Variants in PCSK6 observed in about 807,000 individuals in gnomAD.
PCSK6 encodes the protein proprotein convertase subtilisin/kexin type 6, also known as paired basic amino acid cleaving enzyme 4.
In PCSK6, 85 loss-of-function variants were observed where a neutral mutation model predicts 123.3. The ratio of observed to expected loss-of-function variants is 0.69; its 90% CI spans 0.58 to 0.83. The LOEUF (loss-of-function observed/expected upper bound fraction) is 0.83, where lower values mean the gene tolerates loss of function less well. PCSK6 is among the 40% of genes least tolerant of loss of function. The pLI, the probability that PCSK6 is intolerant of heterozygous loss-of-function variation, is 0.00. For synonymous variants in PCSK6, 508 were observed against 516.0 expected (o/e 0.98, Z 0.21); for missense variants, 1,191 against 1,282.3 (o/e 0.93, Z 1.09).
chr15:101,419,651 T>C (rs540937396), intron 6 of PCSK6, among the ~76,000 whole-genome samples: 1 of 151,644 alleles, frequency 6.6e-6, no homozygotes, highest in South Asian at 2.1e-4. Flanking sequence ...AAATTTGCCC[T>C]ATCAGTTACC....
intron 1 of PCSK6, among the ~76,000 whole-genome samples, chr15:101,446,799 G>C (rs912666337): frequency 6.6e-6 from 1 of 152,232 alleles, no homozygotes; most frequent in African/African-American, 2.4e-5. Flanking sequence ...TCAAACACAG[G>C]TGCGGCTGCA....
chr15:101,307,920 A>T, intron 20 of PCSK6: 1 of 153,278 alleles, frequency 6.5e-6, no homozygotes. Flanking sequence ...TTTCTAATGC[A>T]GGGTAAACGT....
intron 2 of PCSK6, among the ~76,000 whole-genome samples, chr15:101,435,829 C>G (rs2056582994): frequency 1.3e-5 from 2 of 152,148 alleles, no homozygotes; most frequent in South Asian, 4.1e-4. Context: ...CAAGCAGAGA[C>G]CCAGGAGGGG....
chr15:101,347,281 T>A, intron 13 of PCSK6: 5 of 1,232,332 alleles, frequency 4.1e-6, no homozygotes, highest in Non-Finnish European at 5.1e-6. Flanking sequence ...AAATGAAGAT[T>A]AGCTCAAAAG....
At chr15:101,470,256 T>C (rs1416253716) in intron 1 of PCSK6, among the ~76,000 whole-genome samples, 1 of 152,242 alleles carries the variant, frequency 6.6e-6, no homozygotes, top group Admixed American at 6.5e-5. Flanking sequence ...ATTAGTTTTA[T>C]TTCCTTTTAC....
intron 13 of PCSK6, among the ~76,000 whole-genome samples, chr15:101,352,589 A>T (rs865824529): frequency 7.9e-5 from 12 of 152,328 alleles, no homozygotes; most frequent in African/African-American, 2.9e-4. Flanking sequence ...TATCCTTAGC[A>T]TATCTCTGTG....
intron 11 of PCSK6, among the ~76,000 whole-genome samples, chr15:101,374,498 C>A (rs570794102): frequency 2.0e-5 from 3 of 152,222 alleles, no homozygotes; most frequent in South Asian, 4.2e-4. Context: ...CTGGACCAAC[C>A]TGGATCCTTG....
intron 10 of PCSK6, 165 bp downstream of exon 10, chr15:101,384,157 C>T (rs762711086): frequency 5.4e-5 from 77 of 1,421,846 alleles, no homozygotes; most frequent in Middle Eastern, 4.3e-4. Context: ...TGTGAGCTTC[C>T]GGGATACTTT....
Position 101,398,904 on chromosome 15 carries a change from T to TTA in PCSK6, c.824-329_824-328insTA, listed in dbSNP as rs1164640100. ...AGACCTATTATTATTATTATTATTATTTATTATTATTATTTTGAGACAGAG... is the reference window on the plus strand; with the variant it reads ...AGACCTATTATTATTATTATTATTATTATTATTATTATTATTTTGAGACAGAG... On this transcript the variant is annotated intron_variant, in intron 6 of 21. Coordinates refer to ENST00000611716, the MANE Select transcript of PCSK6 (RefSeq NM_002570.5). The surrounding 1 kb of genome is among the most constrained non-coding windows in gnomAD (Gnocchi z 4.6). Among the ~76,000 whole-genome samples the TTA allele has an allele frequency of 8.3e-5, 10 of 121,172 alleles. No individual in the cohort carries two copies. Among genetic ancestry groups the TTA allele is most frequent in the African/African-American group, 2.7e-4 (10 of 37,010 alleles). The allele number at this position is 121,172 out of a possible 152,430, so 79.5% of individuals were successfully genotyped here.
rs1393555479 is a variant in PCSK6, at chr15:101,348,543, CAT to C, written c.1859-16514_1859-16513del. Among the ~76,000 whole-genome samples, 10 of 152,308 alleles carry C rather than the reference CAT, an allele frequency of 6.6e-5. No homozygotes were observed. In the East Asian group the frequency reaches 1.7e-3, roughly 26 times the overall value. On this transcript the variant is annotated intron_variant, in intron 13 of 21. Coordinates refer to ENST00000611716, the MANE Select transcript of PCSK6 (RefSeq NM_002570.5). ...AACACAGAATTCGATATGTAACTGACATGTGTAATTGGCTTCAAGGAAGCTCA... is the reference window on the plus strand; with the variant it reads ...AACACAGAATTCGATATGTAACTGACGTGTAATTGGCTTCAAGGAAGCTCA...
chr15:101,412,426 A>G (rs983724064), intron 6 of PCSK6, among the ~76,000 whole-genome samples: 7 of 152,240 alleles, frequency 4.6e-5, no homozygotes, highest in African/African-American at 1.7e-4. Context: ...ATTATTTTTA[A>G]TTTTTAAGGA....
At chr15:101,432,963 G>A (rs1438008351) in intron 2 of PCSK6, among the ~76,000 whole-genome samples, 3 of 152,222 alleles carry the variant, frequency 2.0e-5, no homozygotes, top group African/African-American at 7.2e-5. Context: ...ATCAGTTCCT[G>A]GGTGGTGACA....
chr15:101,432,317 G>A (rs944116363), intron 2 of PCSK6, among the ~76,000 whole-genome samples: 1 of 152,062 alleles, frequency 6.6e-6, no homozygotes, highest in East Asian at 1.9e-4. Context: ...ACACCACTCT[G>A]ATAGATTTTG....
At chr15:101,343,798 G>A (rs2040671766) in intron 13 of PCSK6, among the ~76,000 whole-genome samples, 1 of 152,166 alleles carries the variant, frequency 6.6e-6, no homozygotes, top group South Asian at 2.1e-4. Flanking sequence ...TGTTTGAAAA[G>A]TGGGTGTATT....
chr15:101,359,519 C>T (rs1397111154), intron 13 of PCSK6, among the ~76,000 whole-genome samples: 1 of 152,254 alleles, frequency 6.6e-6, no homozygotes. Context: ...TATTGGGCAC[C>T]TATCATACAC....
intron 12 of PCSK6, 41 bp downstream of exon 12, chr15:101,370,294 C>T (rs373168738): frequency 3.5e-5 from 51 of 1,447,358 alleles, no homozygotes; most frequent in Middle Eastern, 3.6e-4. Context: ...GGGTCAATCT[C>T]AGTGAGCCCA....
At chr15:101,315,677 T>C (rs1049886721) in intron 19 of PCSK6, among the ~76,000 whole-genome samples, 1 of 152,260 alleles carries the variant, frequency 6.6e-6, no homozygotes, top group Non-Finnish European at 1.5e-5. Context: ...AGGACGCTCA[T>C]GCTTGAGGGC....
intron 13 of PCSK6, chr15:101,346,991 G>C (rs2040749407): frequency 1.6e-6 from 2 of 1,231,618 alleles, no homozygotes; most frequent in Middle Eastern, 3.1e-4. Context: ...GAGGTAAAGA[G>C]ATTGACTGCA....
intron 2 of PCSK6, among the ~76,000 whole-genome samples, chr15:101,442,780 G>T (rs1229659639): frequency 6.6e-6 from 1 of 152,162 alleles, no homozygotes; most frequent in East Asian, 1.9e-4. Flanking sequence ...GGCTGCTACT[G>T]CTTCTCACGT....
Sources: allele counts gnomAD v4.1 joint callset (sites outside exome capture counted in the v4.1 genomes callset), GRCh38; gene constraint gnomAD v4.1.1; non-coding constraint Gnocchi (gnomAD v3.1); transcripts MANE v1.5; gene names NCBI Gene and HGNC (gene_info 2026-07-23, HGNC 2026-07-21).